The following ZNF567 variants were observed in gnomAD, a reference collection of about 807,000 sequenced individuals.
ZNF567 encodes zinc finger protein 567.
In ZNF567, 36 loss-of-function variants were observed where a neutral mutation model predicts 53.9. The observed-to-expected ratio is 0.67, with a 90% CI of 0.51 to 0.88. The LOEUF (loss-of-function observed/expected upper bound fraction) is 0.88. ZNF567 is among the 40% of genes least tolerant of loss of function. ZNF567 has a pLI of 0.00. For synonymous variants in ZNF567, 224 were observed against 260.4 expected, an observed-to-expected ratio of 0.86 and a Z score of 1.35; for missense variants, 619 against 764.7, an observed-to-expected ratio of 0.81 and a Z score of 2.25.
chr19:36,672,858 C>T, the ZNF567 span, among the ~76,000 whole-genome samples: 44 of 152,214 alleles, frequency 2.9e-4, no homozygotes, highest in African/African-American at 9.6e-4. Flanking sequence ...CTGAGGAGCT[C>T]GCTTGCTGAG....
intron 5 of ZNF567, among the ~76,000 whole-genome samples, chr19:36,718,323 C>T (rs1297490860): frequency 6.6e-6 from 1 of 152,048 alleles, no homozygotes; most frequent in Non-Finnish European, 1.5e-5. Context: ...CATGGTGAAA[C>T]CCCGTCTCTA....
chr19:36,715,351 G>C (rs573793143), intron 5 of ZNF567, among the ~76,000 whole-genome samples: 5 of 150,654 alleles, frequency 3.3e-5, no homozygotes, highest in Non-Finnish European at 7.4e-5. Flanking sequence ...AGTAGAGATG[G>C]GGTTTCACCA....
chr19:36,673,633 T>C, the ZNF567 span, among the ~76,000 whole-genome samples: 1 of 152,118 alleles, frequency 6.6e-6, no homozygotes, highest in African/African-American at 2.4e-5. Flanking sequence ...GCTCCACAAT[T>C]GCATGAGCCA....
intron 3 of ZNF567, among the ~76,000 whole-genome samples, chr19:36,701,343 G>T (rs980417141): frequency 6.6e-6 from 1 of 151,308 alleles, no homozygotes; most frequent in African/African-American, 2.4e-5. Context: ...TTACTTCCAA[G>T]TATGTGGTCA....
chr19:36,696,060 A>G (rs1340242506), intron 3 of ZNF567, among the ~76,000 whole-genome samples: 2 of 152,228 alleles, frequency 1.3e-5, no homozygotes, highest in South Asian at 2.1e-4. Flanking sequence ...TGGCCTTCCA[A>G]TAACACCTTC....
intron 3 of ZNF567, among the ~76,000 whole-genome samples, chr19:36,697,922 T>C (rs1303298777): frequency 1.1e-4 from 17 of 149,968 alleles, no homozygotes; most frequent in African/African-American, 3.7e-4. Flanking sequence ...GAATTTCTTT[T>C]TTTTTTTTTT....
intron 2 of ZNF567, among the ~76,000 whole-genome samples, chr19:36,694,239 C>T (rs2038765005): frequency 6.6e-6 from 1 of 151,970 alleles, no homozygotes; most frequent in Admixed American, 6.6e-5. Context: ...GATTAATTTC[C>T]TTCCTTTAAA....
intron 3 of ZNF567, among the ~76,000 whole-genome samples, chr19:36,708,466 A>C (rs1413676471): frequency 6.6e-6 from 1 of 152,240 alleles, no homozygotes; most frequent in Non-Finnish European, 1.5e-5. Flanking sequence ...CTGGAGCTAC[A>C]TTAACACATT....
chr19:36,712,212 A>G, intron 3 of ZNF567, 174 bp from the exon 4 acceptor site: 2 of 533,600 alleles, frequency 3.7e-6, no homozygotes, highest in South Asian at 3.9e-5. Flanking sequence ...ATGCCCAGCT[A>G]ATTTTTTGTA....
Position 36,688,237 on chromosome 19 carries a change from G to C in ZNF567, c.-168+603G>C, listed in dbSNP as rs183185994. Among the ~76,000 whole-genome samples the C allele has an allele frequency of 1.3e-3, 192 of 152,270 alleles. 2 individuals carry two copies. The highest frequency in any genetic ancestry group is 4.5e-3 in the African/African-American group (187 of 41,548). On this transcript the variant is annotated intron_variant, in intron 1 of 5. Transcript: ENST00000682579. ...TGGGGGCCTATGGGATTATGACTAT[G>C]TAGTGGGTGATACAGCTATGAATAT...
At chr19:36,676,055 C>CTTTT in the ZNF567 span, among the ~76,000 whole-genome samples, 28 of 60,622 alleles carry the variant, frequency 4.6e-4, 6 homozygotes, top group East Asian at 1.5e-3. Context: ...TATTCTACAC[C>CTTTT]TTTTTTTTTT....
chr19:36,716,918 C>T (rs58160581), intron 5 of ZNF567, among the ~76,000 whole-genome samples: 425 of 152,188 alleles, frequency 2.8e-3, no homozygotes, highest in African/African-American at 9.8e-3. Context: ...CTCTGCCTTC[C>T]GGGTTCAAGT....
the ZNF567 span, among the ~76,000 whole-genome samples, chr19:36,679,265 G>A: frequency 2.6e-5 from 4 of 152,146 alleles, no homozygotes; most frequent in East Asian, 1.9e-4. Context: ...CAGCCTGGGC[G>A]ACAGCGCGAG....
At position 36,697,887 on chromosome 19, in the gene ZNF567, A is replaced by G. The variant is rs564371581; in HGVS notation, c.9+3011A>G. Among the ~76,000 whole-genome samples the G allele has an allele frequency of 2.0e-5, 3 of 149,632 alleles. No homozygotes were observed. The South Asian group carries it at 6.4e-4, about 32-fold the overall frequency. ...TGGCTTCCCCAAGTATTGGCATTACAGGTGTGAGCCACCATGTCCGGCTGG... is the reference window on the plus strand; with the variant it reads ...TGGCTTCCCCAAGTATTGGCATTACGGGTGTGAGCCACCATGTCCGGCTGG... On this transcript the variant is annotated intron_variant, in intron 3 of 5. Coordinates refer to ENST00000682579, the MANE Select transcript of ZNF567 (RefSeq NM_001322917.1).
At chr19:36,725,791 G>A (rs2040333344), downstream of ZNF567, among the ~76,000 whole-genome samples, 1 of 152,138 alleles carries the variant, frequency 6.6e-6, no homozygotes, top group Non-Finnish European at 1.5e-5. Flanking sequence ...TGGGACTACA[G>A]GAATGCACCA....
rs574462986 is a variant in ZNF567, at chr19:36,704,990, A to G, written c.10-7396A>G. Among the ~76,000 whole-genome samples the G allele has an allele frequency of 1.1e-4, 17 of 152,348 alleles. No homozygotes were observed. The South Asian group carries it at 3.5e-3, about 32-fold the overall frequency. On this transcript the variant is annotated intron_variant, in intron 3 of 5. Transcript: ENST00000682579. ...CATCTAAGTTGTAAAATGTATTGGC[A>G]TAAAGTTGTTGCCCTTTTTATCCTT...
At chr19:36,712,286 G>A in intron 3 of ZNF567, 100 bp from the exon 4 acceptor site, 13 of 1,260,930 alleles carry the variant, frequency 1.0e-5, no homozygotes, top group South Asian at 1.4e-5. Context: ...GACCTCAAGT[G>A]ATCCACCTAC....
upstream of ZNF567, chr19:36,687,595 T>C (rs1268564012): frequency 6.6e-6 from 1 of 152,260 alleles, no homozygotes; most frequent in African/African-American, 2.4e-5. Context: ...ATCGTCCGCG[T>C]GGGAGTGCGC....
chr19:36,697,319 T>C (rs570791811), intron 3 of ZNF567, among the ~76,000 whole-genome samples: 1 of 152,314 alleles, frequency 6.6e-6, no homozygotes, highest in African/African-American at 2.4e-5. Context: ...TTGATTTTTT[T>C]ATCTTGACCT....
Sources: allele counts gnomAD v4.1 joint callset (sites outside exome capture counted in the v4.1 genomes callset), GRCh38; gene constraint gnomAD v4.1.1; transcripts MANE v1.5; gene names NCBI Gene and HGNC (gene_info 2026-07-23, HGNC 2026-07-21).